Variants in NOL11 observed in about 807,000 individuals in gnomAD.
NOL11 encodes the protein nucleolar protein 11.
In NOL11, 42 loss-of-function variants were observed where a neutral mutation model predicts 93.0. That is an observed-to-expected ratio of 0.45 (90% CI 0.35 to 0.58). The LOEUF (loss-of-function observed/expected upper bound fraction) is 0.58, where lower values mean the gene tolerates loss of function less well. Ranked by LOEUF, NOL11 falls within the 20% of genes least tolerant of loss-of-function variation. The probability of loss-of-function intolerance (pLI) is 0.00; values close to 1 mark genes in which losing one functional copy is unlikely to be tolerated. For synonymous variants in NOL11, 296 were observed against 293.7 expected (o/e 1.01, Z -0.08); for missense variants, 775 against 841.8 (o/e 0.92, Z 0.98).
In NOL11 at chr17:67,737,103, G is replaced by A. The variant is rs2055209121; in HGVS notation, c.1176G>A (p.Gln392=). Residue 392 remains glutamine, a synonymous_variant, in exon 11 of 18, where the codon CAG becomes CAA. Coordinates refer to ENST00000253247, the MANE Select transcript of NOL11 (RefSeq NM_015462.5). ...LRRRKIEVSL[Q]PEVPPSKQLL... ...GACGAAAAATTGAAGTGAGTTTACAGCCAGAGGTTCCACCATCCAAACAAC... is the reference window on the plus strand; with the variant it reads ...GACGAAAAATTGAAGTGAGTTTACAACCAGAGGTTCCACCATCCAAACAAC... 4.3e-6 allele frequency: 7 copies of A among 1,611,668 alleles called. No individual in the cohort carries two copies. The highest frequency in any genetic ancestry group is 5.9e-6 in the Non-Finnish European group (7 of 1,177,930).
Position 67,728,934 on chromosome 17 carries a change from T to G in NOL11, c.853+2286T>G, listed in dbSNP as rs2055125057. ...TTCATATAACATAAAATTAATCGTT[T>G]TATTTTTTAAATTTTGTAATGCTCT... On this transcript the variant is annotated intron_variant, in intron 7 of 17. Transcript: ENST00000253247. 2.0e-5 allele frequency among the ~76,000 whole-genome samples: 3 copies of G among 152,222 alleles called. No homozygotes were observed. In the South Asian group the frequency reaches 6.2e-4, roughly 31 times the overall value.
rs189075538 is a variant in NOL11, at chr17:67,737,962, A to G, written c.1519A>G (p.Ile507Val). Residue 507 changes from isoleucine to valine, a missense_variant, in exon 13 of 18, where the codon ATT becomes GTT. This residue lies in a region of NOL11 where 416 missense variants were observed against 525.2 expected (regional missense o/e 0.79). Coordinates refer to ENST00000253247, the MANE Select transcript of NOL11 (RefSeq NM_015462.5). ...ATCAGTCACCTGTGCTTGCTTAAAA[A>G]TTTTCTTGAGGTAAGTTAGACTCCA... ...PESVTCACLKIFLSIGDDSLQ... is the reference protein window; with the variant it reads ...PESVTCACLKVFLSIGDDSLQ... The G allele has an allele frequency of 9.9e-6, 16 of 1,608,222 alleles. No individual in the cohort carries two copies. In the South Asian group the frequency reaches 1.8e-4, roughly 18 times the overall value.
At chr17:67,724,257 G>T in intron 6 of NOL11, 64 bp downstream of exon 6, 14 of 934,432 alleles carry the variant, frequency 1.5e-5, no homozygotes, top group Admixed American at 6.0e-5. Flanking sequence ...GATAGTGTAT[G>T]TTTTTGAATC....
In NOL11 at chr17:67,736,642, A is replaced by G. The variant is rs2055204733; in HGVS notation, c.1055-24A>G. The G allele has an allele frequency of 2.0e-6, 3 of 1,493,992 alleles. No individual in the cohort carries two copies. In the East Asian group the frequency reaches 6.8e-5, roughly 34 times the overall value. 92.5% of individuals were successfully genotyped at this position (1,493,992 alleles called of 1,614,324 possible). On this transcript the variant is annotated intron_variant, in intron 9 of 17. Transcript: ENST00000253247. ...AAAAGTAAGTCAAAACATTCCAGAAATTGTGCATTTTGCATTTTCTTAGGA... is the reference window on the plus strand; with the variant it reads ...AAAAGTAAGTCAAAACATTCCAGAAGTTGTGCATTTTGCATTTTCTTAGGA...
At position 67,727,456 on chromosome 17, in the gene NOL11, C is replaced by T. The variant is rs894783384; in HGVS notation, c.853+808C>T. On this transcript the variant is annotated intron_variant, in intron 7 of 17. Transcript: ENST00000253247. ...GCAGGCAGATCACCTGAGGGGAGCT[C>T]GAGCCAGCCTGACCAACATGGAGAA... Among the ~76,000 whole-genome samples, 3 of 151,912 alleles carry T rather than the reference C, an allele frequency of 2.0e-5. No homozygotes were observed. In the East Asian group the frequency reaches 5.8e-4, roughly 29 times the overall value.
rs749918715 is a variant in NOL11 at position 67,734,405 on chromosome 17, C to T, written c.896C>T (p.Thr299Ile). ...AACATAAAATTTCAAACACTACAGA[C>T]TTCAAAAGAGTTACCACAAGGGACC... ...VWNIKFQTLQ[T>I]SKELPQGTSG... The change falls in exon 8 of 18, where the codon ACT (threonine) becomes ATT (isoleucine). Residue 299 changes from threonine to isoleucine, a missense_variant. Physicochemically the swap from Thr to Ile is moderately conservative, Grantham distance 89. Around this residue, in one of 2 missense-constraint regions of NOL11, gnomAD observed 416 missense variants for 525.2 expected, o/e 0.79. Transcript: ENST00000253247. 1 of 1,608,382 alleles carries T rather than the reference C, an allele frequency of 6.2e-7. No individual in the cohort carries two copies. The highest frequency in any genetic ancestry group is 8.5e-7 in the Non-Finnish European group (1 of 1,175,276).
intron 16 of NOL11, among the ~76,000 whole-genome samples, chr17:67,743,218 T>C (rs1245698433): frequency 6.6e-6 from 1 of 152,168 alleles, no homozygotes; most frequent in African/African-American, 2.4e-5. Flanking sequence ...CTATGAATTG[T>C]GCCATTGCAT....
At chr17:67,742,369 A>G (rs992750515) in intron 16 of NOL11, among the ~76,000 whole-genome samples, 11 of 152,258 alleles carry the variant, frequency 7.2e-5, no homozygotes, top group Admixed American at 3.3e-4. Context: ...TTCTTTGTCC[A>G]TATGTATATT....
chr17:67,741,299 A>G (rs2055254720), intron 16 of NOL11, among the ~76,000 whole-genome samples: 1 of 152,044 alleles, frequency 6.6e-6, no homozygotes, highest in Non-Finnish European at 1.5e-5. Flanking sequence ...CAAACTCCTG[A>G]CCTCAGGTGA....
rs1045356345 is a variant in NOL11, at chr17:67,736,930, G to A, written c.1144-141G>A. ...TCTTTATCCAGAAATGCCCCATGTT[G>A]TCTATTAGTTATATTTACTTTTAAA... On this transcript the variant is annotated intron_variant, in intron 10 of 17. Coordinates refer to ENST00000253247, the MANE Select transcript of NOL11 (RefSeq NM_015462.5). 6 of 729,858 alleles carry A rather than the reference G, an allele frequency of 8.2e-6. No homozygotes were observed. In the African/African-American group the frequency reaches 8.9e-5, roughly 11 times the overall value. The allele number at this position is 729,858 out of a possible 1,614,324, so 45.2% of individuals were successfully genotyped here. A position where few individuals can be genotyped will look rare whatever the true frequency, so the allele number is the denominator to read the frequency against.
chr17:67,738,882 C>A, intron 14 of NOL11, 50 bp from the exon 15 acceptor site: 1 of 1,190,114 alleles, frequency 8.4e-7, no homozygotes, highest in South Asian at 1.3e-5. Context: ...CTCATAAGTT[C>A]AATAGAATAG....
At chr17:67,721,610 A>G in intron 4 of NOL11, 84 bp downstream of exon 4, 1 of 1,145,746 alleles carries the variant, frequency 8.7e-7, no homozygotes, top group Non-Finnish European at 1.3e-6. Flanking sequence ...TATTTTGGTT[A>G]TAAACATAAT....
Position 67,721,377 on chromosome 17 carries a change from G to C in NOL11, c.313-1G>C. 6.6e-7 allele frequency: 1 copy of C among 1,521,664 alleles called. No homozygotes were observed. The highest frequency in any genetic ancestry group is 8.8e-7 in the Non-Finnish European group (1 of 1,138,306). The allele number at this position is 1,521,664 out of a possible 1,614,324, so 94.3% of individuals were successfully genotyped here. On this transcript the variant is annotated splice_acceptor_variant, in intron 3 of 17. Coordinates refer to ENST00000253247, the MANE Select transcript of NOL11 (RefSeq NM_015462.5). LOFTEE classifies it high-confidence loss of function. ...AATTAAAATTTTTTATGTTCTTCCA[G>C]TTGTCAGCAGAAGTATATAGGATAC...
intron 16 of NOL11, chr17:67,740,928 A>C (rs2055250740): frequency 6.6e-6 from 1 of 152,392 alleles, no homozygotes; most frequent in African/African-American, 2.4e-5. Flanking sequence ...CAAGAAGGCA[A>C]GGTCTCGCTC....
chr17:67,727,116 A>G (rs1481555025), intron 7 of NOL11: 1 of 153,720 alleles, frequency 6.5e-6, no homozygotes, highest in Non-Finnish European at 1.4e-5. Flanking sequence ...ACTCCCCGCC[A>G]GACTTCCTAG....
At chr17:67,735,174 T>C (rs904321627) in intron 8 of NOL11, among the ~76,000 whole-genome samples, 1 of 151,966 alleles carries the variant, frequency 6.6e-6, no homozygotes, top group Admixed American at 6.5e-5. Context: ...CCTTGTGAGT[T>C]TTTTTCTCCA....
rs933004617 is a variant in NOL11, at chr17:67,738,320, T to C, written c.1728T>C (p.Thr576=). The C allele has an allele frequency of 1.2e-6, 2 of 1,613,576 alleles. No homozygotes were observed. The highest frequency in any genetic ancestry group is 1.7e-5 in the Admixed American group (1 of 59,896). The change falls in exon 14 of 18, where the codon ACT becomes ACC. Residue 576 remains threonine (T), a synonymous_variant. Transcript: ENST00000253247. ...KKPQDETKES[T]SCPVVQKRAA... ...CCCAGGACGAAACAAAGGAGAGCAC[T>C]TCATGCCCTGTGGTACAAAAAAGAG...
intron 3 of NOL11, chr17:67,720,513 C>G (rs1464194301): frequency 6.6e-6 from 1 of 152,384 alleles, no homozygotes; most frequent in Non-Finnish European, 1.5e-5. Flanking sequence ...GTTGGCCAGG[C>G]TGGTCTTGAA....
In NOL11 at chr17:67,743,558, TA is replaced by T. The variant is rs1417975873; in HGVS notation, c.2018del (p.Asn673IlefsTer6). On this transcript the variant is annotated frameshift_variant, in exon 17 of 18. Coordinates refer to ENST00000253247, the MANE Select transcript of NOL11 (RefSeq NM_015462.5). LOFTEE classifies it high-confidence loss of function. ...VMMPEAKRLL[I>X]NLYKLVKSQI... ...ATGCCAGAAGCAAAGAGGCTACTGA[TA>T]AATCTTTACAAGCTTGTAAAATCTC... 1 of 1,605,646 alleles carries T rather than the reference TA, an allele frequency of 6.2e-7. No individual in the cohort carries two copies. The highest frequency in any genetic ancestry group is 1.1e-5 in the South Asian group (1 of 90,168).
Sources: allele counts gnomAD v4.1 joint callset (sites outside exome capture counted in the v4.1 genomes callset), GRCh38; gene constraint gnomAD v4.1.1; regional missense constraint gnomAD v4.1.1; transcripts MANE v1.5; gene names NCBI Gene and HGNC (gene_info 2026-07-23, HGNC 2026-07-21).